Variants in ZNF804B observed in about 807,000 individuals in gnomAD.
ZNF804B encodes zinc finger protein 804B.
A neutral mutation model predicts 101.4 loss-of-function variants in ZNF804B; 80 were observed. That is an observed-to-expected ratio of 0.79 (90% CI 0.66 to 0.95). ZNF804B has a LOEUF of 0.95. ZNF804B is among the 40% of genes least tolerant of loss of function. The pLI, the probability that ZNF804B is intolerant of heterozygous loss-of-function variation, is 0.00. For missense variants in ZNF804B, 1,673 were observed against 1,561.9 expected (o/e 1.07, Z -1.20); for synonymous variants, 622 against 558.8 (o/e 1.11, Z -1.59).
At chr7:88,926,430 T>TAG (rs1428664823) in intron 1 of ZNF804B, among the ~76,000 whole-genome samples, 6 of 71,542 alleles carry the variant, frequency 8.4e-5, no homozygotes, top group Non-Finnish European at 6.8e-5. Context: ...CTATTAAAAA[T>TAG]ACAAAAAAAA....
At chr7:89,232,556 T>G (rs531709792) in intron 2 of ZNF804B, among the ~76,000 whole-genome samples, 4 of 152,198 alleles carry the variant, frequency 2.6e-5, no homozygotes, top group African/African-American at 9.7e-5. Flanking sequence ...CTTTACTTAC[T>G]GAAAATTTAT....
intron 1 of ZNF804B, among the ~76,000 whole-genome samples, chr7:89,031,185 G>T (rs1277217149): frequency 7.9e-6 from 1 of 126,082 alleles, no homozygotes; most frequent in African/African-American, 2.8e-5. Context: ...AAATATATAT[G>T]TGTATATATA....
At chr7:89,039,106 G>A (rs910665949) in intron 1 of ZNF804B, among the ~76,000 whole-genome samples, 6 of 151,872 alleles carry the variant, frequency 4.0e-5, no homozygotes, top group Admixed American at 1.3e-4. Context: ...GTACTATGAT[G>A]CCTATGGCTG....
At chr7:88,840,784 G>A (rs1791283295) in intron 1 of ZNF804B, among the ~76,000 whole-genome samples, 1 of 152,116 alleles carries the variant, frequency 6.6e-6, no homozygotes, top group Non-Finnish European at 1.5e-5. Context: ...GTTATGAGGT[G>A]TGATGAACAA....
chr7:89,304,179 G>A (rs981967434), intron 2 of ZNF804B, among the ~76,000 whole-genome samples: 1 of 151,776 alleles, frequency 6.6e-6, no homozygotes, highest in Non-Finnish European at 1.5e-5. Context: ...ATCATGGAAG[G>A]ACATAGGATC....
At chr7:89,045,951 C>T (rs950220512) in intron 1 of ZNF804B, among the ~76,000 whole-genome samples, 12 of 152,012 alleles carry the variant, frequency 7.9e-5, no homozygotes, top group South Asian at 2.1e-4. Context: ...GATATGGTTT[C>T]GCTCTGTGTC....
At chr7:88,887,584 G>T (rs1792147383) in intron 1 of ZNF804B, among the ~76,000 whole-genome samples, 1 of 151,978 alleles carries the variant, frequency 6.6e-6, no homozygotes, top group Non-Finnish European at 1.5e-5. Context: ...CTGGTCATAG[G>T]TGTGCAGCCT....
chr7:89,171,358 C>CTT (rs71120065), intron 1 of ZNF804B, among the ~76,000 whole-genome samples: 2,631 of 102,224 alleles, frequency 0.026, 89 homozygotes, highest in South Asian at 0.035. Context: ...TCTTCTTCTT[C>CTT]CTCCTCTTCC....
Position 89,050,649 on chromosome 7 carries a change from G to A in ZNF804B, c.109-167506G>A, listed in dbSNP as rs192705872. On this transcript the variant is annotated intron_variant, in intron 1 of 3. Coordinates refer to ENST00000333190, the MANE Select transcript of ZNF804B (RefSeq NM_181646.5). ...ATCTTCTAAAGGTGCATTAGATATCGTCATCTACCAGGGTCTTATTTATTG... is the reference window on the plus strand; with the variant it reads ...ATCTTCTAAAGGTGCATTAGATATCATCATCTACCAGGGTCTTATTTATTG... Among the ~76,000 whole-genome samples, 47 of 152,152 alleles carry A rather than the reference G, an allele frequency of 3.1e-4. 1 individual carries two copies. The highest frequency in any genetic ancestry group is 1.1e-3 in the African/African-American group (46 of 41,536).
intron 1 of ZNF804B, among the ~76,000 whole-genome samples, chr7:88,994,206 A>G (rs10229706): frequency 0.27 from 40,992 of 151,672 alleles, 5,641 homozygotes; most frequent in South Asian, 0.33. Context: ...AATTTTTTTT[A>G]TTCAGCTGCC....
At chr7:88,876,533 T>G (rs1022746238) in intron 1 of ZNF804B, among the ~76,000 whole-genome samples, 6 of 152,156 alleles carry the variant, frequency 3.9e-5, no homozygotes, top group Non-Finnish European at 8.8e-5. Flanking sequence ...CTTCTGGAGA[T>G]CCTAGGCCAA....
chr7:89,143,066 G>A (rs1304977889), intron 1 of ZNF804B, among the ~76,000 whole-genome samples: 1 of 151,866 alleles, frequency 6.6e-6, no homozygotes, highest in East Asian at 1.9e-4. Context: ...GGCTATGTGT[G>A]AGTGACAAGA....
At chr7:89,198,567 G>T (rs1788587781) in intron 1 of ZNF804B, among the ~76,000 whole-genome samples, 1 of 151,796 alleles carries the variant, frequency 6.6e-6, no homozygotes, top group Non-Finnish European at 1.5e-5. Flanking sequence ...ACTACTCAAG[G>T]AATATTTTCA....
chr7:89,013,989 C>T (rs1027312702), intron 1 of ZNF804B, among the ~76,000 whole-genome samples: 1 of 152,060 alleles, frequency 6.6e-6, no homozygotes, highest in Non-Finnish European at 1.5e-5. Context: ...AGTATCTTGG[C>T]ATTATGAATA....
intron 2 of ZNF804B, among the ~76,000 whole-genome samples, chr7:89,265,289 T>C (rs1721735): frequency 0.43 from 50,427 of 118,344 alleles, 8,495 homozygotes; most frequent in African/African-American, 0.49. Flanking sequence ...TGTGTGTGTG[T>C]GTGTGCGCGT....
chr7:89,216,168 G>A (rs1214710176), intron 1 of ZNF804B, among the ~76,000 whole-genome samples: 4 of 152,170 alleles, frequency 2.6e-5, no homozygotes, highest in African/African-American at 7.2e-5. Context: ...GTAGCTGGGC[G>A]CGGTGGCGCG....
chr7:88,828,516 A>G (rs62462049), intron 1 of ZNF804B, among the ~76,000 whole-genome samples: 6,178 of 151,558 alleles, frequency 0.041, 154 homozygotes, highest in Middle Eastern at 0.051. Flanking sequence ...TTGCCCACCA[A>G]CTCTTATCCA....
chr7:88,833,630 A>G (rs951786064), intron 1 of ZNF804B, among the ~76,000 whole-genome samples: 4 of 151,974 alleles, frequency 2.6e-5, no homozygotes, highest in African/African-American at 9.7e-5. Flanking sequence ...TAATGCAAAA[A>G]ATCAGTTGCC....
chr7:89,176,301 T>C (rs1469770256), intron 1 of ZNF804B, among the ~76,000 whole-genome samples: 1 of 151,998 alleles, frequency 6.6e-6, no homozygotes, highest in Non-Finnish European at 1.5e-5. Flanking sequence ...TTTTTAATCA[T>C]GAAGAGAGGT....
Sources: allele counts gnomAD v4.1 joint callset (sites outside exome capture counted in the v4.1 genomes callset), GRCh38; gene constraint gnomAD v4.1.1; transcripts MANE v1.5; gene names NCBI Gene and HGNC (gene_info 2026-07-23, HGNC 2026-07-21).